Variants in ZNF556 observed in about 807,000 individuals in gnomAD.
ZNF556 encodes zinc finger protein 556.
A neutral mutation model predicts 13.6 loss-of-function variants in ZNF556; 11 were observed. The ratio of observed to expected loss-of-function variants is 0.81; its 90% CI spans 0.51 to 1.33. The LOEUF is 1.33. ZNF556 is among the 40% of genes most tolerant of loss of function. The probability of loss-of-function intolerance (pLI) is 0.00; values close to 1 mark genes in which losing one functional copy is unlikely to be tolerated. For synonymous variants in ZNF556, 229 were observed against 207.8 expected (o/e 1.10, Z -0.88); for missense variants, 633 against 566.2 (o/e 1.12, Z -1.20).
At chr19:2,875,995 A>C in intron 2 of ZNF556, 98 bp from the exon 3 acceptor site, 2 of 1,016,080 alleles carry the variant, frequency 2.0e-6, no homozygotes, top group Non-Finnish European at 2.9e-6. Flanking sequence ...TAAATAAAAT[A>C]AAATCACATA....
At chr19:2,872,291 C>T (rs2087809749) in intron 1 of ZNF556, among the ~76,000 whole-genome samples, 1 of 151,560 alleles carries the variant, frequency 6.6e-6, no homozygotes, top group African/African-American at 2.4e-5. Flanking sequence ...TTCCTTGACA[C>T]TTACGCTACC....
At chr19:2,873,016 C>T (rs1327398306) in intron 1 of ZNF556, among the ~76,000 whole-genome samples, 1 of 151,520 alleles carries the variant, frequency 6.6e-6, no homozygotes, top group Non-Finnish European at 1.5e-5. Flanking sequence ...ATCTGTAATC[C>T]CAGCTACTTG....
At position 2,876,081 on chromosome 19, in the gene ZNF556, T is replaced by G; in HGVS notation, c.131-12T>G. On this transcript the variant is annotated splice_polypyrimidine_tract_variant and intron_variant, in intron 2 of 3. Transcript: ENST00000307635. ...GCCTTCCTCATCATATTGGTTCACT[T>G]TTTTGTTTCAGATAATGAGGCTCAG... 1 of 1,592,410 alleles carries G rather than the reference T, an allele frequency of 6.3e-7. No individual in the cohort carries two copies. Among genetic ancestry groups the G allele is most frequent in the Non-Finnish European group, 8.5e-7 (1 of 1,174,274 alleles).
intron 1 of ZNF556, among the ~76,000 whole-genome samples, chr19:2,869,724 C>T (rs1046925515): frequency 5.3e-5 from 8 of 152,186 alleles, no homozygotes; most frequent in East Asian, 3.8e-4. Context: ...CAAGCTGACA[C>T]GCCTACTTCT....
chr19:2,872,331 G>A (rs561940696), intron 1 of ZNF556, among the ~76,000 whole-genome samples: 13 of 151,296 alleles, frequency 8.6e-5, no homozygotes, highest in Admixed American at 2.0e-4. Context: ...GGCAACAGGC[G>A]TCTTCCCAGA....
rs113845950 is a variant in ZNF556 at position 2,882,707 on chromosome 19, G to A, written c.*4378G>A. 0.068 allele frequency: 10,248 copies of A among 151,692 alleles called. 473 individuals carry two copies. Among genetic ancestry groups the A allele is most frequent in the African/African-American group, 0.14 (5,589 of 41,288 alleles). 9.4% of individuals were successfully genotyped at this position (151,692 alleles called of 1,614,324 possible). A position where few individuals can be genotyped will look rare whatever the true frequency, so the allele number is the denominator to read the frequency against. ...GTGGCTGGGAATACAGGCGTGCCCC[G>A]CCACGCCCAGCTAATTTTTTGTATT... On this transcript the variant is annotated 3_prime_UTR_variant, in exon 4 of 4. Transcript: ENST00000307635.
intron 1 of ZNF556, among the ~76,000 whole-genome samples, chr19:2,867,916 C>T (rs1469273964): frequency 2.0e-5 from 3 of 152,112 alleles, no homozygotes; most frequent in Non-Finnish European, 2.9e-5. Context: ...CCAGCCCAGC[C>T]GCCCCTGCCT....
intron 2 of ZNF556, among the ~76,000 whole-genome samples, chr19:2,874,001 C>T (rs931076675): frequency 6.6e-6 from 1 of 151,042 alleles, no homozygotes; most frequent in Non-Finnish European, 1.5e-5. Context: ...TCACGCCTGT[C>T]ATCTCAGCAC....
intron 2 of ZNF556, chr19:2,874,812 C>T (rs904144684): frequency 6.6e-6 from 1 of 151,548 alleles, no homozygotes; most frequent in Non-Finnish European, 1.5e-5. Flanking sequence ...TTTGTGTTAC[C>T]AGCGCAGGTA....
chr19:2,876,024 T>A lies in ZNF556; in HGVS notation c.131-69T>A, dbSNP rs1042203747. ...TCACATAATGAAGTCATGAAACAAT[T>A]AAACACCTGAATTACTTCTTTCTTT... On this transcript the variant is annotated intron_variant, in intron 2 of 3. Transcript: ENST00000307635. 13 of 1,330,638 alleles carry A rather than the reference T, an allele frequency of 9.8e-6. No individual in the cohort carries two copies. The Middle Eastern group carries it at 7.3e-4, about 75-fold the overall frequency. 82.4% of individuals were successfully genotyped at this position (1,330,638 alleles called of 1,614,324 possible).
At chr19:2,872,948 C>A (rs2087817518) in intron 1 of ZNF556, among the ~76,000 whole-genome samples, 1 of 151,906 alleles carries the variant, frequency 6.6e-6, no homozygotes, top group Non-Finnish European at 1.5e-5. Flanking sequence ...GCCTGGCCAA[C>A]ATGGTGAAAC....
intron 1 of ZNF556, among the ~76,000 whole-genome samples, chr19:2,872,583 C>A (rs182886372): frequency 8.5e-5 from 13 of 152,212 alleles, no homozygotes; most frequent in Non-Finnish European, 1.6e-4. Context: ...AGATCTATAT[C>A]TGGTATAACT....
chr19:2,873,687 T>C, intron 2 of ZNF556, 65 bp downstream of exon 2: 1 of 1,558,904 alleles, frequency 6.4e-7, no homozygotes, highest in Non-Finnish European at 8.7e-7. Flanking sequence ...GTTGCAGTGG[T>C]TCATGCCTGT....
rs12973872 is a variant in ZNF556 at position 2,878,470 on chromosome 19, A to T, written c.*141A>T. ...CGGATCACGAGGTCAGGAGATCAAGACCATCCTGGCTATGGTGAAACCCCG... is the reference window on the plus strand; with the variant it reads ...CGGATCACGAGGTCAGGAGATCAAGTCCATCCTGGCTATGGTGAAACCCCG... On this transcript the variant is annotated 3_prime_UTR_variant, in exon 4 of 4. Coordinates refer to ENST00000307635, the MANE Select transcript of ZNF556 (RefSeq NM_024967.3). The T allele has an allele frequency of 0.17, 126,702 of 737,662 alleles. 12,379 individuals are homozygous for T. Among genetic ancestry groups the T allele is most frequent in the South Asian group, 0.22 (11,733 of 53,726 alleles). The allele number at this position is 737,662 out of a possible 1,614,324, so 45.7% of individuals were successfully genotyped here.
chr19:2,880,285 A>G lies in ZNF556; in HGVS notation c.*1956A>G, dbSNP rs1167525768. ...AAGTTTCTGTTTCTGAGAAATATCT[A>G]TTTACTGTGTTTGTGTTTTTAAAGA... On this transcript the variant is annotated 3_prime_UTR_variant, in exon 4 of 4. Coordinates refer to ENST00000307635, the MANE Select transcript of ZNF556 (RefSeq NM_024967.3). 2.0e-5 allele frequency: 3 copies of G among 152,150 alleles called. No homozygotes were observed. Among genetic ancestry groups the G allele is most frequent in the African/African-American group, 7.2e-5 (3 of 41,436 alleles). The allele number at this position is 152,150 out of a possible 1,614,324, so 9.4% of individuals were successfully genotyped here. A position where few individuals can be genotyped will look rare whatever the true frequency, so the allele number is the denominator to read the frequency against.
rs1217045053 is a variant in ZNF556, at chr19:2,876,247, C to G, written c.285C>G (p.Asp95Glu). 6.2e-7 allele frequency: 1 copy of G among 1,603,906 alleles called. No homozygotes were observed. Among genetic ancestry groups the G allele is most frequent in the African/African-American group, 1.4e-5 (1 of 74,060 alleles). Residue 95 changes from aspartate (D) to glutamate (E), a missense_variant, in exon 3 of 4, where the codon GAC becomes GAG. By Grantham distance (45) the Asp-to-Glu change is conservative. Transcript: ENST00000307635. ...ATTGGGAAGAACATAGCGTTAAAGA[C>G]AAGCACAACACCAAGGAGAGACATT... ...GKNWEEHSVK[D>E]KHNTKERHLS...
At chr19:2,872,885 C>G (rs1249412511) in intron 1 of ZNF556, among the ~76,000 whole-genome samples, 1 of 151,102 alleles carries the variant, frequency 6.6e-6, no homozygotes, top group Non-Finnish European at 1.5e-5. Flanking sequence ...GTAATCCCAG[C>G]ATTTTGGGAG....
Position 2,878,165 on chromosome 19 carries a change from G to T in ZNF556, c.1207G>T (p.Val403Leu). 6.2e-7 allele frequency: 1 copy of T among 1,614,208 alleles called. No individual in the cohort carries two copies. The highest frequency in any genetic ancestry group is 1.3e-5 in the African/African-American group (1 of 75,064). The change falls in exon 4 of 4, where the codon GTG becomes TTG. Residue 403 changes from valine to leucine, a missense_variant. Val to Leu is a conservative substitution (Grantham distance 32). Coordinates refer to ENST00000307635, the MANE Select transcript of ZNF556 (RefSeq NM_024967.3). ...TGEKPVNAAS[V>L]GKPSGGLCSS... ...GGAGAAACCTGTAAATGCAGCCAGT[G>T]TGGGAAAACCTTCAGGCGGGCTTTG...
chr19:2,874,668 C>T (rs550669535), intron 2 of ZNF556, among the ~76,000 whole-genome samples: 134 of 144,852 alleles, frequency 9.3e-4, no homozygotes, highest in Non-Finnish European at 1.7e-3. Context: ...CCCTTGAACT[C>T]GGGAGGCAGT....
Sources: allele counts gnomAD v4.1 joint callset (sites outside exome capture counted in the v4.1 genomes callset), GRCh38; gene constraint gnomAD v4.1.1; transcripts MANE v1.5; gene names NCBI Gene and HGNC (gene_info 2026-07-23, HGNC 2026-07-21).